Variants in GCGR observed in about 807,000 individuals in gnomAD.
GCGR encodes the protein glucagon receptor.
Under a neutral mutation model 56.1 loss-of-function variants are expected in GCGR, and 41 were observed. That is an observed-to-expected ratio of 0.73 (90% CI 0.57 to 0.95). GCGR has a LOEUF of 0.95. Ranked by LOEUF, GCGR falls within the 40% of genes least tolerant of loss-of-function variation. The pLI, the probability that GCGR is intolerant of heterozygous loss-of-function variation, is 0.00. For missense variants in GCGR, 595 were observed against 638.2 expected (o/e 0.93, Z 0.73); for synonymous variants, 278 against 271.1 (o/e 1.03, Z -0.25).
intron 2 of GCGR, 107 bp from the exon 3 acceptor site, chr17:81,809,675 C>A: frequency 2.5e-6 from 2 of 802,132 alleles, no homozygotes; most frequent in Non-Finnish European, 4.1e-6. Flanking sequence ...GCCTGTCTGT[C>A]CATCTGCCTA....
Position 81,811,801 on chromosome 17 carries a change from A to G in GCGR, c.808A>G (p.Ile270Val), listed in dbSNP as rs1037221263. 12 of 1,537,182 alleles carry G rather than the reference A, an allele frequency of 7.8e-6. No individual in the cohort carries two copies. The African/African-American group carries it at 1.5e-4, about 19-fold the overall frequency. ...ERSFFSLYLG[I>V]GWGAPMLFVV... ...GAGCTTCTTCAGCCTCTACCTGGGC[A>G]TCGGCTGGGGTGAGTGGGCTGGCAT... Residue 270 changes from isoleucine (I) to valine (V), a missense_variant, in exon 8 of 14, where the codon ATC becomes GTC. Transcript: ENST00000400723. This position sits in a 1 kb window ranked among gnomAD's most constrained non-coding sequence, Gnocchi z 5.8.
chr17:81,810,806 G>T lies in GCGR; in HGVS notation c.164-19G>T. 2 of 1,534,606 alleles carry T rather than the reference G, an allele frequency of 1.3e-6. No homozygotes were observed. Among genetic ancestry groups the T allele is most frequent in the Non-Finnish European group, 1.7e-6 (2 of 1,144,914 alleles). On this transcript the variant is annotated intron_variant, in intron 3 of 13. Transcript: ENST00000400723. This position sits in a 1 kb window ranked among gnomAD's most constrained non-coding sequence, Gnocchi z 4.6. ...ACCCTGCCCTGCCCTGCTCTGCCCT[G>T]CCCTACCCTACCCTGCAGAGCTGGT...
rs139365638 is a variant in GCGR, at chr17:81,806,226, G to A, written c.-178+1977G>A. ...CCTACCCATATGGGACCCACCACCC[G>A]CAGGGAACGGAGGACGCTCACACTT... On this transcript the variant is annotated intron_variant, in intron 1 of 13. Coordinates refer to ENST00000400723, the MANE Select transcript of GCGR (RefSeq NM_000160.5). The surrounding 1 kb of genome is among the most constrained non-coding windows in gnomAD (Gnocchi z 6.5). Among the ~76,000 whole-genome samples the A allele has an allele frequency of 1.2e-3, 178 of 152,142 alleles. 1 individual carries two copies. The highest frequency in any genetic ancestry group is 1.9e-3 in the African/African-American group (78 of 41,486).
In GCGR at chr17:81,813,350, C is replaced by G; in HGVS notation, c.1219-124C>G. On this transcript the variant is annotated intron_variant, in intron 13 of 13. Coordinates refer to ENST00000400723, the MANE Select transcript of GCGR (RefSeq NM_000160.5). The surrounding 1 kb of genome is among the most constrained non-coding windows in gnomAD (Gnocchi z 5.3). The stretch of plus-strand genomic sequence containing the variant: ...TGGCATAGCTGTGCCCAGCAGGGAG[C>G]TTGTGTCGCTCTGCACCCCTCAGAG... 2.0e-6 allele frequency: 2 copies of G among 982,800 alleles called. No homozygotes were observed. 60.9% of individuals were successfully genotyped at this position (982,800 alleles called of 1,614,324 possible). A position where few individuals can be genotyped will look rare whatever the true frequency, so the allele number is the denominator to read the frequency against.
rs571642081 is a variant in GCGR, at chr17:81,811,436, C to T, written c.533C>T (p.Ala178Val). The T allele has an allele frequency of 2.8e-5, 43 of 1,536,568 alleles. No individual in the cohort carries two copies. The highest frequency in any genetic ancestry group is 2.7e-4 in the East Asian group (11 of 40,914). ...KLHCTRNAIHANLFASFVLKA... is the reference protein window; with the variant it reads ...KLHCTRNAIHVNLFASFVLKA... The stretch of plus-strand genomic sequence containing the variant: ...CACTGCACCCGCAATGCCATCCACG[C>T]GAATCTGTTTGCGTCCTTCGTGCTG... The change falls in exon 7 of 14, where the codon GCG (alanine) becomes GTG (valine). Residue 178 changes from alanine to valine, a missense_variant. Transcript: ENST00000400723. This position sits in a 1 kb window ranked among gnomAD's most constrained non-coding sequence, Gnocchi z 5.8.
chr17:81,808,921 T>C lies in GCGR; in HGVS notation c.-98T>C. The stretch of plus-strand genomic sequence containing the variant: ...GCCCCAGGCTCTGCTGCTCTGCCAC[T>C]CAGCTGCCCTCGGAGGAGCGTACAC... On this transcript the variant is annotated 5_prime_UTR_variant, in exon 2 of 14. Coordinates refer to ENST00000400723, the MANE Select transcript of GCGR (RefSeq NM_000160.5). 1 of 1,441,142 alleles carries C rather than the reference T, an allele frequency of 6.9e-7. No homozygotes were observed. 89.3% of individuals were successfully genotyped at this position (1,441,142 alleles called of 1,614,324 possible).
chr17:81,808,984 T>A lies in GCGR; in HGVS notation c.-35T>A, dbSNP rs1178701469. 19 of 1,535,522 alleles carry A rather than the reference T, an allele frequency of 1.2e-5. No individual in the cohort carries two copies. Among genetic ancestry groups the A allele is most frequent in the Admixed American group, 5.9e-5 (3 of 51,002 alleles). On this transcript the variant is annotated 5_prime_UTR_variant, in exon 2 of 14. Coordinates refer to ENST00000400723, the MANE Select transcript of GCGR (RefSeq NM_000160.5). The stretch of plus-strand genomic sequence containing the variant: ...TGCATTGCCCCAGCTGTGCAGCCCC[T>A]GCCAGATGTGGGAGGCAGCTAGCTG...
chr17:81,811,813 G>A lies in GCGR; in HGVS notation c.817+3G>A, dbSNP rs1325347511. Reference sequence around the variant, plus strand: ...CCTCTACCTGGGCATCGGCTGGGGTGAGTGGGCTGGCATGAGAGGGGGTTA... The same window carrying A: ...CCTCTACCTGGGCATCGGCTGGGGTAAGTGGGCTGGCATGAGAGGGGGTTA... On this transcript the variant is annotated splice_donor_region_variant and intron_variant, in intron 8 of 13. Coordinates refer to ENST00000400723, the MANE Select transcript of GCGR (RefSeq NM_000160.5). This position sits in a 1 kb window ranked among gnomAD's most constrained non-coding sequence, Gnocchi z 5.8. The A allele has an allele frequency of 6.5e-7, 1 of 1,536,978 alleles. No individual in the cohort carries two copies. The highest frequency in any genetic ancestry group is 8.7e-7 in the Non-Finnish European group (1 of 1,146,870).
chr17:81,810,727 G>A lies in GCGR; in HGVS notation c.164-98G>A, dbSNP rs576147925. On this transcript the variant is annotated intron_variant, in intron 3 of 13. Transcript: ENST00000400723. The surrounding 1 kb of genome is among the most constrained non-coding windows in gnomAD (Gnocchi z 4.6). ...CCATGTCCTGGGCGAGGTGACGGCC[G>A]AGCTCAGGCTTCCAGAGAGAGGAGA... 73 of 1,184,136 alleles carry A rather than the reference G, an allele frequency of 6.2e-5. No homozygotes were observed. Among genetic ancestry groups the A allele is most frequent in the African/African-American group, 2.3e-4 (15 of 66,090 alleles). 73.4% of individuals were successfully genotyped at this position (1,184,136 alleles called of 1,614,324 possible).
chr17:81,813,031 G>A lies in GCGR; in HGVS notation c.1192G>A (p.Val398Ile), dbSNP rs747664695. 8 of 1,536,402 alleles carry A rather than the reference G, an allele frequency of 5.2e-6. No individual in the cohort carries two copies. The South Asian group carries it at 9.5e-5, about 18-fold the overall frequency. ...GTCTCTCCAGGGCCTGCTGGTGGCT[G>A]TCCTCTACTGCTTCCTCAACAAGGA... is the stretch of plus-strand genomic sequence containing the variant. ...LSSFQGLLVA[V>I]LYCFLNKEVQ... Residue 398 changes from valine (V) to isoleucine (I), a missense_variant, in exon 13 of 14, where the codon GTC becomes ATC. Coordinates refer to ENST00000400723, the MANE Select transcript of GCGR (RefSeq NM_000160.5). This position sits in a 1 kb window ranked among gnomAD's most constrained non-coding sequence, Gnocchi z 5.3.
rs1158795418 is a variant in GCGR at position 81,811,275 on chromosome 17, C to T, written c.447C>T (p.Tyr149=). ...TCCAGGTGATGTACACAGTGGGCTA[C>T]AGCCTGTCCCTGGGGGCCCTGCTCC... ...SSFQVMYTVG[Y]SLSLGALLLA... is the part of the protein sequence containing the mutation. Residue 149 remains tyrosine, a synonymous_variant, in exon 6 of 14, where the codon TAC becomes TAT. Transcript: ENST00000400723. The surrounding 1 kb of genome is among the most constrained non-coding windows in gnomAD (Gnocchi z 5.8). The T allele has an allele frequency of 2.0e-5, 31 of 1,536,072 alleles. No individual in the cohort carries two copies. Among genetic ancestry groups the T allele is most frequent in the Non-Finnish European group, 2.7e-5 (31 of 1,146,762 alleles).
chr17:81,811,377 A>G lies in GCGR; in HGVS notation c.501-27A>G. On this transcript the variant is annotated intron_variant, in intron 6 of 13. Transcript: ENST00000400723. The surrounding 1 kb of genome is among the most constrained non-coding windows in gnomAD (Gnocchi z 5.8). ...GCGGCCGCAGAGGACAGGGAGGAGG[A>G]CGGGCGCTGACTGGCTGTGCCCACA... The G allele has an allele frequency of 6.5e-7, 1 of 1,535,774 alleles. No homozygotes were observed. Among genetic ancestry groups the G allele is most frequent in the South Asian group, 1.2e-5 (1 of 84,052 alleles).
chr17:81,809,522 CCTGT>C (rs2143118467), intron 2 of GCGR, among the ~76,000 whole-genome samples: 1 of 120,436 alleles, frequency 8.3e-6, no homozygotes, highest in South Asian at 2.7e-4. Flanking sequence ...TGTCTGCCTG[CCTGT>C]CTGCCTGTCT....
At position 81,804,618 on chromosome 17, in the gene GCGR, C is replaced by T. The variant is rs1046686928; in HGVS notation, c.-178+369C>T. On this transcript the variant is annotated intron_variant, in intron 1 of 13. Coordinates refer to ENST00000400723, the MANE Select transcript of GCGR (RefSeq NM_000160.5). This position sits in a 1 kb window ranked among gnomAD's most constrained non-coding sequence, Gnocchi z 8.2. ...GGGCCCCGCCGCCCTGGGGAGCGCA[C>T]AAAGCGCCGCGGACGCGTCCCCGAG... Among the ~76,000 whole-genome samples, 1 of 151,934 alleles carries T rather than the reference C, an allele frequency of 6.6e-6. No homozygotes were observed. Among genetic ancestry groups the T allele is most frequent in the African/African-American group, 2.4e-5 (1 of 41,376 alleles).
chr17:81,809,498 T>C (rs878973216), intron 2 of GCGR, among the ~76,000 whole-genome samples: 20 of 131,176 alleles, frequency 1.5e-4, no homozygotes, highest in African/African-American at 2.6e-4. Context: ...CGTCTGCCTG[T>C]CCGTCTGCCT....
intron 2 of GCGR, among the ~76,000 whole-genome samples, 188 bp downstream of exon 2, chr17:81,809,266 ATCTGCCTGCCTG>A (rs1160686277): frequency 9.0e-6 from 1 of 111,664 alleles, no homozygotes. Flanking sequence ...CTGCCTATCC[ATCTGCCTGCCTG>A]TCTGCCTGTC....
Position 81,807,898 on chromosome 17 carries a change from C to T in GCGR, c.-177-944C>T, listed in dbSNP as rs532290833. Among the ~76,000 whole-genome samples, 478 of 152,356 alleles carry T rather than the reference C, an allele frequency of 3.1e-3. 3 individuals carry two copies. Among genetic ancestry groups the T allele is most frequent in the African/African-American group, 0.011 (457 of 41,586 alleles). ...CATGGGGACCAGGGGCTGTGACTCC[C>T]ACAGCCCTGGCAGGCACCACGGGGG... On this transcript the variant is annotated intron_variant, in intron 1 of 13. Transcript: ENST00000400723.
chr17:81,810,779 C>A lies in GCGR; in HGVS notation c.164-46C>A. ...AGGCCTGCTGAGGGAGCCCCTTCTCCCACCCTGCCCTGCCCTGCTCTGCCC... is the reference window on the plus strand; with the variant it reads ...AGGCCTGCTGAGGGAGCCCCTTCTCACACCCTGCCCTGCCCTGCTCTGCCC... On this transcript the variant is annotated intron_variant, in intron 3 of 13. Transcript: ENST00000400723. This position sits in a 1 kb window ranked among gnomAD's most constrained non-coding sequence, Gnocchi z 4.6. 6.6e-7 allele frequency: 1 copy of A among 1,510,646 alleles called. No individual in the cohort carries two copies. Among genetic ancestry groups the A allele is most frequent in the South Asian group, 1.2e-5 (1 of 83,564 alleles). 93.6% of individuals were successfully genotyped at this position (1,510,646 alleles called of 1,614,324 possible). A position where few individuals can be genotyped will look rare whatever the true frequency, so the allele number is the denominator to read the frequency against.
At position 81,811,920 on chromosome 17, in the gene GCGR, G is replaced by C. The variant is rs2038109633; in HGVS notation, c.852G>C (p.Val284=). Residue 284 remains valine (V), a synonymous_variant, in exon 9 of 14, where the codon GTG becomes GTC. Transcript: ENST00000400723. This position sits in a 1 kb window ranked among gnomAD's most constrained non-coding sequence, Gnocchi z 5.8. ...APMLFVVPWA[V]VKCLFENVQC... ...TGCTGTTCGTCGTCCCCTGGGCAGTGGTCAAGTGTCTGTTCGAGAACGTCC... is the reference window on the plus strand; with the variant it reads ...TGCTGTTCGTCGTCCCCTGGGCAGTCGTCAAGTGTCTGTTCGAGAACGTCC... 6.5e-7 allele frequency: 1 copy of C among 1,536,994 alleles called. No homozygotes were observed. Among genetic ancestry groups the C allele is most frequent in the Admixed American group, 2.0e-5 (1 of 50,982 alleles).
Sources: allele counts gnomAD v4.1 joint callset (sites outside exome capture counted in the v4.1 genomes callset), GRCh38; gene constraint gnomAD v4.1.1; non-coding constraint Gnocchi (gnomAD v3.1); transcripts MANE v1.5; gene names NCBI Gene and HGNC (gene_info 2026-07-23, HGNC 2026-07-21).